The following ECE1 variants were observed in gnomAD, a reference collection of about 807,000 sequenced individuals.
ECE1 encodes the protein endothelin-converting enzyme 1.
In ECE1, 35 loss-of-function variants were observed where a neutral mutation model predicts 98.6. That is an observed-to-expected ratio of 0.35 (90% CI 0.27 to 0.47). ECE1 has a LOEUF of 0.47. Among genes scored for constraint, ECE1 ranks in the 20% least tolerant of loss-of-function variants. The pLI is 1.00. For missense variants in ECE1, 814 were observed against 1,025.3 expected (o/e 0.79, Z 2.81); for synonymous variants, 394 against 407.1 (o/e 0.97, Z 0.39).
At chr1:21,341,568 A>G (rs543622159) in intron 1 of ECE1, among the ~76,000 whole-genome samples, 2 of 152,292 alleles carry the variant, frequency 1.3e-5, no homozygotes, top group South Asian at 4.1e-4. Context: ...GGCCTCCCCA[A>G]CTCTGCAGGG....
In ECE1 at chr1:21,220,258, G is replaced by C; in HGVS notation, c.2137-127C>G. On this transcript the variant is annotated intron_variant, in intron 18 of 18. Transcript: ENST00000374893. This position sits in a 1 kb window ranked among gnomAD's most constrained non-coding sequence, Gnocchi z 5.0. The stretch of plus-strand genomic sequence containing the variant: ...CACCTGTAATCCCAGCACTTTGGGA[G>C]CCAAGGTGGAAGGGCTGCTTGAGCC... 1.8e-6 allele frequency: 2 copies of C among 1,097,168 alleles called. No homozygotes were observed. The highest frequency in any genetic ancestry group is 2.5e-6 in the Non-Finnish European group (2 of 784,488). 68.0% of individuals were successfully genotyped at this position (1,097,168 alleles called of 1,614,324 possible). A position where few individuals can be genotyped will look rare whatever the true frequency, so the allele number is the denominator to read the frequency against.
At chr1:21,255,637 G>C (rs1014598009) in intron 8 of ECE1, among the ~76,000 whole-genome samples, 1 of 152,174 alleles carries the variant, frequency 6.6e-6, no homozygotes, top group African/African-American at 2.4e-5. Context: ...GACTGGAAAG[G>C]CGCTGTCAAT....
chr1:21,305,556 C>T (rs567812167), intron 1 of ECE1, among the ~76,000 whole-genome samples: 15 of 152,266 alleles, frequency 9.9e-5, no homozygotes, highest in Admixed American at 5.9e-4. Context: ...CTCAGACCAC[C>T]GGGGCCAAGA....
At chr1:21,238,093 A>G (rs780940524) in intron 11 of ECE1, 41 bp downstream of exon 11, 110 of 1,561,460 alleles carry the variant, frequency 7.0e-5, no homozygotes, top group Non-Finnish European at 8.1e-5. Context: ...GGCCACAACA[A>G]GTGTGACCTC....
intron 1 of ECE1, among the ~76,000 whole-genome samples, chr1:21,332,085 T>A (rs1228050785): frequency 6.6e-6 from 1 of 152,022 alleles, no homozygotes; most frequent in Non-Finnish European, 1.5e-5. Flanking sequence ...TACTGCACCC[T>A]CCCCCACCCC....
chr1:21,331,041 C>T lies in ECE1; in HGVS notation c.3+14335G>A, dbSNP rs563429958. On this transcript the variant is annotated intron_variant, in intron 1 of 18. Coordinates refer to the ECE1 transcript ENST00000415912. ...CCTGTCATCCCAAACTTTGGGGGTC[C>T]GAGGCAGGACGATCGCTTGAGCCCG... Among the ~76,000 whole-genome samples the T allele has an allele frequency of 5.3e-5, 8 of 152,146 alleles. No individual in the cohort carries two copies. In the East Asian group the frequency reaches 1.6e-3, roughly 29 times the overall value.
Position 21,225,841 on chromosome 1 carries a change from C to T in ECE1, c.1850-401G>A, listed in dbSNP as rs1275785815. On this transcript the variant is annotated intron_variant, in intron 16 of 18. Coordinates refer to ENST00000374893, the MANE Select transcript of ECE1 (RefSeq NM_001397.3). The surrounding 1 kb of genome is among the most constrained non-coding windows in gnomAD (Gnocchi z 5.3). ...GAGTAGCTGGGATTACAGGCACATGCCGCCATGCCTAGCTGATTTCTGTTT... is the reference window on the plus strand; with the variant it reads ...GAGTAGCTGGGATTACAGGCACATGTCGCCATGCCTAGCTGATTTCTGTTT... Among the ~76,000 whole-genome samples the T allele has an allele frequency of 2.0e-5, 3 of 151,798 alleles. No homozygotes were observed. Among genetic ancestry groups the T allele is most frequent in the South Asian group, 4.2e-4 (2 of 4,810 alleles).
intron 4 of ECE1, among the ~76,000 whole-genome samples, chr1:21,261,373 C>T (rs2098226598): frequency 6.6e-6 from 1 of 152,140 alleles, no homozygotes; most frequent in Admixed American, 6.6e-5. Flanking sequence ...CTGTATCCAT[C>T]CACCCTCTGA....
intron 3 of ECE1, among the ~76,000 whole-genome samples, chr1:21,278,115 A>G (rs1197449470): frequency 6.6e-6 from 1 of 152,206 alleles, no homozygotes. Context: ...AGTGGGTGGG[A>G]TGCTGAGCAG....
chr1:21,255,928 C>T lies in ECE1; in HGVS notation c.1020+19G>A. 1 of 1,613,492 alleles carries T rather than the reference C, an allele frequency of 6.2e-7. No homozygotes were observed. Among genetic ancestry groups the T allele is most frequent in the Non-Finnish European group, 8.5e-7 (1 of 1,179,820 alleles). ...CTGGAGGCCATCCCAGCCTCCCTAG[C>T]AGCCGGCGCTCAAGTTACCTGCAGC... On this transcript the variant is annotated intron_variant, in intron 8 of 18. Coordinates refer to ENST00000374893, the MANE Select transcript of ECE1 (RefSeq NM_001397.3).
intron 2 of ECE1, chr1:21,279,681 C>A: frequency 7.2e-7 from 1 of 1,398,004 alleles, no homozygotes; most frequent in Non-Finnish European, 9.3e-7. Flanking sequence ...TGCAGGCATC[C>A]AGTGAGTACC....
chr1:21,255,631 G>A (rs551189778), intron 8 of ECE1, among the ~76,000 whole-genome samples: 1 of 152,292 alleles, frequency 6.6e-6, no homozygotes, highest in East Asian at 1.9e-4. Flanking sequence ...TGGAGAGACT[G>A]GAAAGGCGCT....
rs556238601 is a variant in ECE1 at position 21,256,992 on chromosome 1, G to A, written c.828+533C>T. On this transcript the variant is annotated intron_variant, in intron 7 of 18. Transcript: ENST00000374893. ...AAGGACAGATGAATGAGTTCCAGGT[G>A]AGGTCGCCCCAAGAGGCATCACAAG... 2.6e-5 allele frequency among the ~76,000 whole-genome samples: 4 copies of A among 152,238 alleles called. No homozygotes were observed. The South Asian group carries it at 8.3e-4, about 32-fold the overall frequency.
At chr1:21,263,294 A>G (rs938177492) in intron 4 of ECE1, among the ~76,000 whole-genome samples, 5 of 152,114 alleles carry the variant, frequency 3.3e-5, no homozygotes, top group African/African-American at 1.2e-4. Flanking sequence ...CTGGAGAGGA[A>G]GGACATCTGG....
At chr1:21,335,123 T>C (rs1383351193) in intron 1 of ECE1, among the ~76,000 whole-genome samples, 1 of 151,878 alleles carries the variant, frequency 6.6e-6, no homozygotes, top group African/African-American at 2.4e-5. Context: ...GTTCACCCCC[T>C]ACATGTGCCA....
Position 21,243,760 on chromosome 1 carries a change from G to A in ECE1, c.1278+1229C>T, listed in dbSNP as rs1401094822. 2.0e-5 allele frequency among the ~76,000 whole-genome samples: 3 copies of A among 152,252 alleles called. No homozygotes were observed. The East Asian group carries it at 5.8e-4, about 29-fold the overall frequency. ...CATCTCTAACCCAGGGCCAGTCCAA[G>A]GTAGATGCAGGAGGAGCAGGAAGGC... is the stretch of plus-strand genomic sequence containing the variant. On this transcript the variant is annotated intron_variant, in intron 10 of 18. Coordinates refer to ENST00000374893, the MANE Select transcript of ECE1 (RefSeq NM_001397.3).
In ECE1 at chr1:21,220,239, T is replaced by A; in HGVS notation, c.2137-108A>T. On this transcript the variant is annotated intron_variant, in intron 18 of 18. Coordinates refer to ENST00000374893, the MANE Select transcript of ECE1 (RefSeq NM_001397.3). This position sits in a 1 kb window ranked among gnomAD's most constrained non-coding sequence, Gnocchi z 5.0. ...GGCCAGGTGCGGTGGCTCACACCTGTAATCCCAGCACTTTGGGAGCCAAGG... is the reference window on the plus strand; with the variant it reads ...GGCCAGGTGCGGTGGCTCACACCTGAAATCCCAGCACTTTGGGAGCCAAGG... 1 of 1,270,158 alleles carries A rather than the reference T, an allele frequency of 7.9e-7. No individual in the cohort carries two copies. Among genetic ancestry groups the A allele is most frequent in the Middle Eastern group, 2.6e-4 (1 of 3,866 alleles). The allele number at this position is 1,270,158 out of a possible 1,614,324, so 78.7% of individuals were successfully genotyped here.
Position 21,345,432 on chromosome 1 carries a change from T to A in ECE1, c.-54A>T. On this transcript the variant is annotated 5_prime_UTR_variant, in exon 1 of 19. Coordinates refer to the ECE1 transcript ENST00000415912. This position sits in a 1 kb window ranked among gnomAD's most constrained non-coding sequence, Gnocchi z 5.1. Reference sequence around the variant, plus strand: ...CAGCTCCCCGCGCCCGGCTCCCGATTCCCAGCTCCGGGTTCCCTGCTCCCA... The same window carrying A: ...CAGCTCCCCGCGCCCGGCTCCCGATACCCAGCTCCGGGTTCCCTGCTCCCA... The A allele has an allele frequency of 7.7e-7, 1 of 1,305,558 alleles. No individual in the cohort carries two copies. Among genetic ancestry groups the A allele is most frequent in the Non-Finnish European group, 9.8e-7 (1 of 1,015,300 alleles). 80.9% of individuals were successfully genotyped at this position (1,305,558 alleles called of 1,614,324 possible). A position where few individuals can be genotyped will look rare whatever the true frequency, so the allele number is the denominator to read the frequency against.
chr1:21,272,822 C>T lies in ECE1; in HGVS notation c.370G>A (p.Asp124Asn). The T allele has an allele frequency of 1.2e-6, 2 of 1,614,260 alleles. No homozygotes were observed. The highest frequency in any genetic ancestry group is 8.5e-7 in the Non-Finnish European group (1 of 1,180,050). The change falls in exon 4 of 19, where the codon GAC (aspartate) becomes AAC (asparagine). Residue 124 changes from aspartate to asparagine, a missense_variant. By Grantham distance (23) the Asp-to-Asn change is conservative. Transcript: ENST00000374893. ...SMDPTVDPCH[D>N]FFSYACGGWI... Reference sequence around the variant, plus strand: ...CCCCCACAGGCGTAGCTGAAGAAGTCATGGCAGGGGTCCACTGTGGGGTCC... The same window carrying T: ...CCCCCACAGGCGTAGCTGAAGAAGTTATGGCAGGGGTCCACTGTGGGGTCC...
Sources: allele counts gnomAD v4.1 joint callset (sites outside exome capture counted in the v4.1 genomes callset), GRCh38; gene constraint gnomAD v4.1.1; non-coding constraint Gnocchi (gnomAD v3.1); transcripts MANE v1.5; gene names NCBI Gene and HGNC (gene_info 2026-07-23, HGNC 2026-07-21).